FAM169A: variants seen among roughly 807,000 people sequenced by gnomAD.
The protein encoded by FAM169A is soluble lamin-associated protein of 75 kDa.
In FAM169A, 24 loss-of-function variants were observed where a neutral mutation model predicts 75.7. The ratio of observed to expected loss-of-function variants is 0.32; its 90% CI spans 0.23 to 0.45. FAM169A has a LOEUF of 0.45. Ranked by LOEUF, FAM169A falls within the 20% of genes least tolerant of loss-of-function variation. The probability of loss-of-function intolerance (pLI) is 1.00; values close to 1 mark genes in which losing one functional copy is unlikely to be tolerated. For missense variants in FAM169A, 673 were observed against 784.0 expected (o/e 0.86, Z 1.69); for synonymous variants, 271 against 271.0 (o/e 1.00, Z 0.00).
At chr5:74,805,480 T>G (rs1180046369) in intron 6 of FAM169A, among the ~76,000 whole-genome samples, 196 bp from the exon 7 acceptor site, 1 of 150,940 alleles carries the variant, frequency 6.6e-6, no homozygotes, top group African/African-American at 2.4e-5. Flanking sequence ...AAATAAAAGT[T>G]TTAACACGAC....
chr5:74,815,778 G>A (rs540106638), intron 5 of FAM169A, among the ~76,000 whole-genome samples: 10 of 152,278 alleles, frequency 6.6e-5, no homozygotes, highest in Non-Finnish European at 1.3e-4. Context: ...AACCAAGATG[G>A]CAATGAGAGT....
At chr5:74,818,570 G>T (rs1172790650) in intron 5 of FAM169A, among the ~76,000 whole-genome samples, 2 of 80,784 alleles carry the variant, frequency 2.5e-5, no homozygotes, top group African/African-American at 9.3e-5. Context: ...CCCAGACCCC[G>T]CCCCCCCCAC....
chr5:74,795,850 T>C (rs1746244750), intron 11 of FAM169A, among the ~76,000 whole-genome samples, 180 bp downstream of exon 11: 1 of 152,232 alleles, frequency 6.6e-6, no homozygotes, highest in Admixed American at 6.5e-5. Flanking sequence ...CAATCATATT[T>C]GTAATTTTAT....
At chr5:74,798,662 T>C (rs757339448) in intron 10 of FAM169A, among the ~76,000 whole-genome samples, 2 of 152,216 alleles carry the variant, frequency 1.3e-5, no homozygotes, top group Non-Finnish European at 2.9e-5. Context: ...CAGGAACAGT[T>C]GGCAGAACTG....
chr5:74,804,570 C>T lies in FAM169A; in HGVS notation c.835G>A (p.Gly279Arg), dbSNP rs774853514. ...GGAACAGATGCAGGACCATATTCTC[C>T]AGACATAGGTCTTTTAGGTTCATTT... is the stretch of plus-strand genomic sequence containing the variant. ...SQNEPKRPMS[G>R]EYGPASVPEY... The change falls in exon 8 of 13, where the codon GGA becomes AGA. Residue 279 changes from glycine (G) to arginine (R), a missense_variant. Physicochemically the swap from Gly to Arg is moderately radical, Grantham distance 125 (BLOSUM62 -2). This residue lies in a region of FAM169A where 510 missense variants were observed against 550.9 expected (regional missense o/e 0.93). Transcript: ENST00000687041. 7.4e-6 allele frequency: 12 copies of T among 1,610,976 alleles called. No individual in the cohort carries two copies. The highest frequency in any genetic ancestry group is 7.6e-6 in the Non-Finnish European group (9 of 1,177,892).
chr5:74,791,652 T>C (rs1272321718), intron 11 of FAM169A, among the ~76,000 whole-genome samples: 3 of 152,196 alleles, frequency 2.0e-5, no homozygotes, highest in Non-Finnish European at 4.4e-5. Flanking sequence ...AGGAGATCCC[T>C]TGGGGTGTCT....
At chr5:74,822,780 AT>A (rs1747828524) in intron 5 of FAM169A, among the ~76,000 whole-genome samples, 1 of 152,150 alleles carries the variant, frequency 6.6e-6, no homozygotes. Flanking sequence ...ACATATGCCC[AT>A]GTCAAAATTG....
intron 4 of FAM169A, 90 bp from the exon 5 acceptor site, chr5:74,834,687 A>C (rs1748478317): frequency 9.5e-5 from 101 of 1,059,080 alleles, no homozygotes; most frequent in Non-Finnish European, 1.1e-4. Context: ...CCCATACCTC[A>C]TACTGGAATT....
At position 74,779,783 on chromosome 5, in the gene FAM169A, A is replaced by G. The variant is rs960507760; in HGVS notation, c.*1677T>C. On this transcript the variant is annotated 3_prime_UTR_variant, in exon 13 of 13. Transcript: ENST00000687041. ...TCTAACACAAATAGGAGCGTTTACT[A>G]TTTTTGTCTGCTTTAAGATTTTAAC... The G allele has an allele frequency of 1.3e-5, 2 of 152,174 alleles. No homozygotes were observed. Among genetic ancestry groups the G allele is most frequent in the African/African-American group, 2.4e-5 (1 of 41,448 alleles). 9.4% of individuals were successfully genotyped at this position (152,174 alleles called of 1,614,324 possible).
chr5:74,800,196 A>C, intron 10 of FAM169A: 1 of 273,324 alleles, frequency 3.7e-6, no homozygotes, highest in Non-Finnish European at 7.0e-6. Flanking sequence ...TCACGCCAAT[A>C]TCATGTGGTT....
intron 4 of FAM169A, among the ~76,000 whole-genome samples, chr5:74,837,125 C>T (rs1748611878): frequency 6.6e-6 from 1 of 152,030 alleles, no homozygotes; most frequent in Admixed American, 6.6e-5. Context: ...TAAGATTTTC[C>T]CTTCTCCTTC....
rs1383769761 is a variant in FAM169A, at chr5:74,804,567, C to T, written c.838G>A (p.Glu280Lys). The change falls in exon 8 of 13, where the codon GAA becomes AAA. Residue 280 changes from glutamate to lysine, a missense_variant. This residue lies in a region of FAM169A where 510 missense variants were observed against 550.9 expected (regional missense o/e 0.93). Transcript: ENST00000687041. ...QNEPKRPMSG[E>K]YGPASVPEYE... Reference sequence around the variant, plus strand: ...TCTGGAACAGATGCAGGACCATATTCTCCAGACATAGGTCTTTTAGGTTCA... The same window carrying T: ...TCTGGAACAGATGCAGGACCATATTTTCCAGACATAGGTCTTTTAGGTTCA... 1 of 1,611,922 alleles carries T rather than the reference C, an allele frequency of 6.2e-7. No individual in the cohort carries two copies. Among genetic ancestry groups the T allele is most frequent in the East Asian group, 2.2e-5 (1 of 44,828 alleles).
At chr5:74,788,326 C>CA (rs1403874101) in intron 11 of FAM169A, among the ~76,000 whole-genome samples, 1 of 152,150 alleles carries the variant, frequency 6.6e-6, no homozygotes, top group Non-Finnish European at 1.5e-5. Flanking sequence ...GCAGAGCCCC[C>CA]ACAATGGCTC....
chr5:74,791,637 A>C (rs1745981250), intron 11 of FAM169A, among the ~76,000 whole-genome samples: 1 of 152,200 alleles, frequency 6.6e-6, no homozygotes, highest in South Asian at 2.1e-4. Flanking sequence ...GTATGCATGG[A>C]ATATAGGAGA....
At chr5:74,850,059 C>T (rs945468383) in intron 1 of FAM169A, among the ~76,000 whole-genome samples, 1 of 152,128 alleles carries the variant, frequency 6.6e-6, no homozygotes, top group Non-Finnish European at 1.5e-5. Context: ...ACCACTAATC[C>T]GATAGTGGAC....
chr5:74,833,309 G>C (rs1221018289), intron 5 of FAM169A, among the ~76,000 whole-genome samples: 1 of 152,100 alleles, frequency 6.6e-6, no homozygotes, highest in Non-Finnish European at 1.5e-5. Flanking sequence ...TGTCTTCTCT[G>C]CAATGCACAC....
intron 1 of FAM169A, among the ~76,000 whole-genome samples, chr5:74,860,266 T>C (rs987204502): frequency 2.0e-5 from 3 of 152,212 alleles, no homozygotes; most frequent in Admixed American, 1.3e-4. Context: ...AATCCAAACT[T>C]GAAAGCACTG....
In FAM169A at chr5:74,840,084, A is replaced by C; in HGVS notation, c.222T>G (p.Asp74Glu). 1 of 1,560,812 alleles carries C rather than the reference A, an allele frequency of 6.4e-7. No homozygotes were observed. Among genetic ancestry groups the C allele is most frequent in the Non-Finnish European group, 8.7e-7 (1 of 1,146,734 alleles). ...QKILALFAPE[D>E]SLTAVALYLA... ...TAAGCAAAAAGAGACCTGTCAGTGAATCTTCAGGTGCAAAGAGAGCAAGAA... is the reference window on the plus strand; with the variant it reads ...TAAGCAAAAAGAGACCTGTCAGTGACTCTTCAGGTGCAAAGAGAGCAAGAA... Residue 74 changes from aspartate to glutamate, a missense_variant, in exon 3 of 13, where the codon GAT (aspartate) becomes GAG (glutamate). Physicochemically the swap from Asp to Glu is conservative, Grantham distance 45. Around this residue, in one of 3 missense-constraint regions of FAM169A, gnomAD observed 107 missense variants for 180.8 expected, o/e 0.59. Coordinates refer to ENST00000687041, the MANE Select transcript of FAM169A (RefSeq NM_001376049.1).
chr5:74,800,978 C>T lies in FAM169A; in HGVS notation c.1005G>A (p.Arg335=). ...STHTRSGNLK[R]PKIGKRFQDS... ...CCTGAAACCGCTTTCCAATCTTTGG[C>T]CGCTTTAGATTACCACTTCGAGTAT... Residue 335 remains arginine, a synonymous_variant, in exon 10 of 13, where the codon CGG becomes CGA. Coordinates refer to ENST00000687041, the MANE Select transcript of FAM169A (RefSeq NM_001376049.1). 1.3e-6 allele frequency: 2 copies of T among 1,564,054 alleles called. No homozygotes were observed. The highest frequency in any genetic ancestry group is 1.2e-5 in the South Asian group (1 of 84,118).
Sources: allele counts gnomAD v4.1 joint callset (sites outside exome capture counted in the v4.1 genomes callset), GRCh38; gene constraint gnomAD v4.1.1; regional missense constraint gnomAD v4.1.1; transcripts MANE v1.5; gene names NCBI Gene and HGNC (gene_info 2026-07-23, HGNC 2026-07-21).